Variants in RHBDD1 observed in about 807,000 individuals in gnomAD.
RHBDD1 encodes the protein rhomboid domain containing 1.
RHBDD1 carries 38 observed loss-of-function variants against 36.3 expected under a neutral mutation model. The ratio of observed to expected loss-of-function variants is 1.05; its 90% CI spans 0.81 to 1.37. RHBDD1 has a LOEUF of 1.37. RHBDD1 is among the 40% of genes most tolerant of loss of function. The pLI, the probability that RHBDD1 is intolerant of heterozygous loss-of-function variation, is 0.00. For synonymous variants in RHBDD1, 151 were observed against 136.5 expected (o/e 1.11, Z -0.74); for missense variants, 393 against 377.6 (o/e 1.04, Z -0.34).
chr2:226,827,907 A>G, the RHBDD1 span, among the ~76,000 whole-genome samples: 4,235 of 152,320 alleles, frequency 0.028, 81 homozygotes, highest in Non-Finnish European at 0.043. Context: ...GGCCTTGGAC[A>G]TAAGTGACCA....
intron 8 of RHBDD1, among the ~76,000 whole-genome samples, chr2:226,924,093 A>C (rs1949511983): frequency 6.6e-6 from 1 of 152,050 alleles, no homozygotes; most frequent in Admixed American, 6.5e-5. Flanking sequence ...CCCCAAAGCC[A>C]CCATATTGGG....
At chr2:226,881,164 T>C (rs1945695179) in intron 5 of RHBDD1, among the ~76,000 whole-genome samples, 2 of 152,046 alleles carry the variant, frequency 1.3e-5, no homozygotes, top group African/African-American at 4.8e-5. Context: ...GAGAACTCAC[T>C]CACTAACAGG....
At chr2:226,850,941 C>T (rs2125078350) in intron 3 of RHBDD1, among the ~76,000 whole-genome samples, 1 of 152,222 alleles carries the variant, frequency 6.6e-6, no homozygotes, top group Non-Finnish European at 1.5e-5. Context: ...TCTAAATCTA[C>T]ATCCTTAGTC....
chr2:226,988,815 T>C (rs1289232860), intron 8 of RHBDD1: 1 of 615,222 alleles, frequency 1.6e-6, no homozygotes, highest in Non-Finnish European at 2.0e-6. Context: ...GAGAGTTAAC[T>C]ACCAAGGCTG....
Position 226,941,453 on chromosome 2 carries a change from AGTTCTG to A in RHBDD1, c.856+27103_856+27108del, listed in dbSNP as rs1242649028. ...AAGTAGGTGATGAAGTGTGAGAAAC[AGTTCTG>A]ATATATGTGTGTTAACACTTGTTAT... On this transcript the variant is annotated intron_variant, in intron 8 of 8. Coordinates refer to ENST00000392062, the MANE Select transcript of RHBDD1 (RefSeq NM_001167608.3). Among the ~76,000 whole-genome samples the A allele has an allele frequency of 2.0e-4, 31 of 152,318 alleles. 1 individual carries two copies. In the East Asian group the frequency reaches 5.2e-3, roughly 26 times the overall value.
chr2:226,899,289 C>T (rs375382399), intron 5 of RHBDD1, among the ~76,000 whole-genome samples: 2 of 152,188 alleles, frequency 1.3e-5, no homozygotes, highest in East Asian at 3.8e-4. Context: ...ACAATAATAT[C>T]TTAATCTTAG....
chr2:226,981,735 C>T (rs1168060393), intron 8 of RHBDD1, among the ~76,000 whole-genome samples: 1 of 152,222 alleles, frequency 6.6e-6, no homozygotes, highest in Admixed American at 6.5e-5. Context: ...GACCATCATA[C>T]TTCTCAGACA....
intron 7 of RHBDD1, among the ~76,000 whole-genome samples, chr2:226,912,450 T>C (rs1948588167): frequency 6.6e-6 from 1 of 152,104 alleles, no homozygotes; most frequent in Admixed American, 6.5e-5. Context: ...GTAGAAATAA[T>C]ACAAATGTCT....
the RHBDD1 span, among the ~76,000 whole-genome samples, chr2:226,800,376 T>A: frequency 1.3e-5 from 2 of 152,170 alleles, no homozygotes; most frequent in African/African-American, 4.8e-5. Flanking sequence ...GCCTTCCACC[T>A]TGGGATCCCC....
At chr2:226,918,241 T>G (rs551964919) in intron 8 of RHBDD1, among the ~76,000 whole-genome samples, 1 of 152,122 alleles carries the variant, frequency 6.6e-6, no homozygotes, top group South Asian at 2.1e-4. Flanking sequence ...CATGAGAATT[T>G]TAATACAGGC....
At chr2:226,988,623 C>T (rs979032355) in intron 8 of RHBDD1, 2 of 1,344,670 alleles carry the variant, frequency 1.5e-6, no homozygotes, top group Non-Finnish European at 1.9e-6. Context: ...TCCGAGCAGA[C>T]ACATTGGCCC....
At chr2:226,830,043 C>T in the RHBDD1 span, among the ~76,000 whole-genome samples, 2 of 151,946 alleles carry the variant, frequency 1.3e-5, no homozygotes, top group Non-Finnish European at 2.9e-5. Context: ...TCCTACTTCC[C>T]GGAGAGCTTT....
chr2:226,863,070 G>C (rs999289661), intron 3 of RHBDD1, among the ~76,000 whole-genome samples: 4 of 152,172 alleles, frequency 2.6e-5, no homozygotes, highest in Non-Finnish European at 5.9e-5. Context: ...ACATGAGGCC[G>C]GGCCTAGTGG....
chr2:226,818,337 G>T, the RHBDD1 span, among the ~76,000 whole-genome samples: 6 of 148,044 alleles, frequency 4.1e-5, no homozygotes, highest in African/African-American at 1.5e-4. Flanking sequence ...TTTTTTTTTT[G>T]GTATTTTTTT....
At chr2:226,970,029 T>C in intron 8 of RHBDD1, among the ~76,000 whole-genome samples, 1 of 132,324 alleles carries the variant, frequency 7.6e-6, no homozygotes, top group South Asian at 2.8e-4. Context: ...CCTGGGCTGC[T>C]TTTAACCTGG....
At chr2:226,883,025 C>T (rs1424940063) in intron 5 of RHBDD1, among the ~76,000 whole-genome samples, 2 of 152,204 alleles carry the variant, frequency 1.3e-5, no homozygotes, top group Admixed American at 1.3e-4. Context: ...CTCCCAAAGA[C>T]CCCATCTCTA....
intron 3 of RHBDD1, among the ~76,000 whole-genome samples, chr2:226,843,102 A>C (rs1049482022): frequency 2.0e-5 from 3 of 151,974 alleles, no homozygotes; most frequent in Admixed American, 6.6e-5. Flanking sequence ...GAATGCTAGC[A>C]ATTTTTGCAC....
chr2:226,867,135 T>C, intron 4 of RHBDD1, 51 bp from the exon 5 acceptor site: 1 of 1,513,150 alleles, frequency 6.6e-7, no homozygotes, highest in Non-Finnish European at 9.0e-7. Flanking sequence ...TAAATGTTGA[T>C]ACTCCTACTT....
the RHBDD1 span, among the ~76,000 whole-genome samples, chr2:226,818,105 C>G: frequency 6.6e-6 from 1 of 151,284 alleles, no homozygotes; most frequent in Non-Finnish European, 1.5e-5. Flanking sequence ...GGCCTGCTGG[C>G]CAGATGTGGT....
Sources: gnomAD v4.1 joint callset for allele counts (sites outside exome capture counted in the v4.1 genomes callset) on GRCh38, gnomAD v4.1.1 for gene constraint, MANE v1.5 for transcripts, NCBI Gene and HGNC (gene_info 2026-07-23, HGNC 2026-07-21) for gene names.